Variants in DOCK1 observed in about 807,000 individuals in gnomAD.
DOCK1 encodes dedicator of cytokinesis protein 1.
In DOCK1, 138 loss-of-function variants were observed where a neutral mutation model predicts 262.7. The ratio of observed to expected loss-of-function variants is 0.53; its 90% confidence interval spans 0.46 to 0.61. The LOEUF is 0.61. Ranked by LOEUF, DOCK1 falls within the 20% of genes least tolerant of loss-of-function variation. DOCK1 has a pLI of 0.00. For synonymous variants in DOCK1, 866 were observed against 867.4 expected (o/e 1.00, Z 0.03); for missense variants, 1,908 against 2,370.7 (o/e 0.80, Z 4.05).
intron 1 of DOCK1, among the ~76,000 whole-genome samples, chr10:126,950,307 G>A (rs1442220204): frequency 6.6e-6 from 1 of 152,028 alleles, no homozygotes; most frequent in Admixed American, 6.6e-5. Flanking sequence ...TCTTACCTGG[G>A]ATCTTGGGTG....
At chr10:127,173,172 C>T (rs1347062252) in intron 27 of DOCK1, among the ~76,000 whole-genome samples, 1 of 152,196 alleles carries the variant, frequency 6.6e-6, no homozygotes, top group Non-Finnish European at 1.5e-5. Context: ...CACTAGTGGA[C>T]ATCTACCCAT....
At chr10:127,156,717 C>T (rs562275273) in intron 27 of DOCK1, among the ~76,000 whole-genome samples, 13 of 151,976 alleles carry the variant, frequency 8.6e-5, no homozygotes, top group African/African-American at 2.4e-4. Context: ...TACAGGCATA[C>T]GCCACCACTC....
chr10:127,197,038 C>T (rs1195872400), intron 27 of DOCK1, among the ~76,000 whole-genome samples: 1 of 152,170 alleles, frequency 6.6e-6, no homozygotes, highest in Non-Finnish European at 1.5e-5. Context: ...TGGCCGCTCA[C>T]CTGCGGATGC....
At chr10:127,133,160 G>T (rs1592147060) in intron 27 of DOCK1, among the ~76,000 whole-genome samples, 1 of 152,270 alleles carries the variant, frequency 6.6e-6, no homozygotes, top group East Asian at 1.9e-4. Flanking sequence ...TGCTTTCTCT[G>T]AGCATGGGTG....
intron 1 of DOCK1, among the ~76,000 whole-genome samples, chr10:126,951,086 G>C (rs1304958539): frequency 6.6e-6 from 1 of 151,610 alleles, no homozygotes; most frequent in Non-Finnish European, 1.5e-5. Context: ...AGTGTTTTTA[G>C]TATTGATGAT....
intron 28 of DOCK1, among the ~76,000 whole-genome samples, chr10:127,253,529 C>G (rs978330256): frequency 1.3e-5 from 2 of 152,150 alleles, no homozygotes; most frequent in Non-Finnish European, 2.9e-5. Context: ...TACTTATTCT[C>G]TTTCCACTGT....
intron 27 of DOCK1, among the ~76,000 whole-genome samples, chr10:127,241,355 T>G (rs2059258956): frequency 6.6e-6 from 1 of 152,148 alleles, no homozygotes; most frequent in South Asian, 2.1e-4. Flanking sequence ...TTATTGTAGT[T>G]TTTTTACTTC....
At chr10:127,035,434 C>A (rs1287653625) in intron 18 of DOCK1, among the ~76,000 whole-genome samples, 1 of 152,118 alleles carries the variant, frequency 6.6e-6, no homozygotes, top group Non-Finnish European at 1.5e-5. Flanking sequence ...TGGGGTGGGA[C>A]TCATCTGCCT....
rs955851365 is a variant in DOCK1 at position 126,965,573 on chromosome 10, C to T, written c.47-5129C>T. ...TCCTGGGAGGGAAGTCCCAGGATCC[C>T]AGGGCTGCCATCAGCTCACTGTGTA... On this transcript the variant is annotated intron_variant, in intron 1 of 51. Transcript: ENST00000623213. Among the ~76,000 whole-genome samples, 7 of 152,192 alleles carry T rather than the reference C, an allele frequency of 4.6e-5. No individual in the cohort carries two copies. In the South Asian group the frequency reaches 1.5e-3, roughly 32 times the overall value.
At chr10:127,125,023 G>A (rs892418661) in intron 25 of DOCK1, among the ~76,000 whole-genome samples, 2 of 151,982 alleles carry the variant, frequency 1.3e-5, no homozygotes, top group African/African-American at 2.4e-5. Flanking sequence ...AGGCTGAGGC[G>A]GGAGAATGGC....
chr10:127,029,269 T>A lies in DOCK1; in HGVS notation c.1625-2381T>A, dbSNP rs566578212. 3.9e-5 allele frequency among the ~76,000 whole-genome samples: 6 copies of A among 152,242 alleles called. No homozygotes were observed. The South Asian group carries it at 1.2e-3, about 32-fold the overall frequency. On this transcript the variant is annotated intron_variant, in intron 16 of 51. Coordinates refer to ENST00000623213, the MANE Select transcript of DOCK1 (RefSeq NM_001290223.2). ...GCCGCTGACCATGGCCTTCGGGGCC[T>A]CCCCAGCCAGCCCTGCATGCAGATA...
intron 1 of DOCK1, among the ~76,000 whole-genome samples, chr10:126,954,388 A>G (rs1176882861): frequency 6.6e-6 from 1 of 152,232 alleles, no homozygotes; most frequent in Non-Finnish European, 1.5e-5. Flanking sequence ...CTGCTGTCAC[A>G]TCTTGAAATG....
intron 46 of DOCK1, among the ~76,000 whole-genome samples, chr10:127,421,796 T>C (rs1007432660): frequency 1.8e-4 from 27 of 152,244 alleles, no homozygotes; most frequent in Non-Finnish European, 3.7e-4. Context: ...GTAGTGTGTG[T>C]CAGAACTTCA....
chr10:127,439,155 T>C lies in DOCK1; in HGVS notation c.5189T>C (p.Ile1730Thr), dbSNP rs779605428. The C allele has an allele frequency of 6.2e-7, 1 of 1,609,396 alleles. No homozygotes were observed. The highest frequency in any genetic ancestry group is 1.1e-5 in the South Asian group (1 of 89,382). Residue 1730 changes from isoleucine (I) to threonine (T), a missense_variant, in exon 49 of 52, where the codon ATA becomes ACA. By Grantham distance (89) the Ile-to-Thr change is moderately conservative. Coordinates refer to ENST00000623213, the MANE Select transcript of DOCK1 (RefSeq NM_001290223.2). ...AAAAGGAACAGCAAACATCAAGAGA[T>C]ATTTGAGAAAGAATTTAAACCCACC... ...KEKRNSKHQE[I>T]FEKEFKPTDI...
rs534654739 is a variant in DOCK1 at position 127,085,666 on chromosome 10, G to C, written c.2446-20565G>C. On this transcript the variant is annotated intron_variant, in intron 23 of 51. Transcript: ENST00000623213. ...TCAGCTACTGGGGCGGCTGAGGCAG[G>C]AGAATTGCTTGAACCCAGGAGGCGG... Among the ~76,000 whole-genome samples the C allele has an allele frequency of 9.9e-5, 15 of 152,168 alleles. No individual in the cohort carries two copies. In the East Asian group the frequency reaches 1.2e-3, roughly 12 times the overall value.
At chr10:127,090,125 T>C (rs2047429434) in intron 23 of DOCK1, among the ~76,000 whole-genome samples, 1 of 152,174 alleles carries the variant, frequency 6.6e-6, no homozygotes, top group Admixed American at 6.6e-5. Context: ...CCTTTCTGGC[T>C]TCCTGGGATT....
chr10:127,115,332 A>G (rs954779561), intron 25 of DOCK1, among the ~76,000 whole-genome samples: 5 of 152,128 alleles, frequency 3.3e-5, no homozygotes, highest in African/African-American at 7.2e-5. Context: ...GTGAGAGTCA[A>G]TAGGCTGTGA....
intron 22 of DOCK1, among the ~76,000 whole-genome samples, chr10:127,058,857 T>C (rs2045348667): frequency 6.6e-6 from 1 of 152,152 alleles, no homozygotes; most frequent in African/African-American, 2.4e-5. Flanking sequence ...TTCTATGTTT[T>C]ATATTCCATA....
intron 46 of DOCK1, 57 bp downstream of exon 46, chr10:127,419,806 T>A: frequency 6.6e-7 from 1 of 1,521,636 alleles, no homozygotes; most frequent in Non-Finnish European, 8.9e-7. Flanking sequence ...TAGGAGGGTC[T>A]AGGCTCAGCA....
Sources: allele counts gnomAD v4.1 joint callset (sites outside exome capture counted in the v4.1 genomes callset), GRCh38; gene constraint gnomAD v4.1.1; transcripts MANE v1.5; gene names NCBI Gene and HGNC (gene_info 2026-07-23, HGNC 2026-07-21).